Variants in LARP4B observed in about 807,000 individuals in gnomAD.
The protein encoded by LARP4B is La ribonucleoprotein 4B, also known as la-related protein 4B.
In LARP4B, 12 loss-of-function variants were observed where a neutral mutation model predicts 89.8. That is an observed-to-expected ratio of 0.13 (90% confidence interval 0.09 to 0.22). The LOEUF is 0.22. LARP4B is among the 10% of genes least tolerant of loss of function. The pLI is 1.00. For missense variants in LARP4B, 757 were observed against 947.7 expected (o/e 0.80, Z 2.64); for synonymous variants, 367 against 363.3 (o/e 1.01, Z -0.12).
intron 1 of LARP4B, among the ~76,000 whole-genome samples, chr10:911,760 C>T (rs148384082): frequency 1.6e-4 from 25 of 152,248 alleles, no homozygotes; most frequent in Non-Finnish European, 2.6e-4. Flanking sequence ...AAGCTCTGCT[C>T]CCTTTTGCAT....
chr10:869,988 G>A, intron 3 of LARP4B: 1 of 885,146 alleles, frequency 1.1e-6, no homozygotes. Flanking sequence ...CAGCACAATA[G>A]TAAACACACA....
At chr10:886,498 C>T (rs1034255958) in intron 1 of LARP4B, among the ~76,000 whole-genome samples, 1 of 152,164 alleles carries the variant, frequency 6.6e-6, no homozygotes, top group Non-Finnish European at 1.5e-5. Flanking sequence ...ATCTGCACTC[C>T]CATGTGGATT....
At chr10:976,013 T>C in the LARP4B span, among the ~76,000 whole-genome samples, 2 of 103,220 alleles carry the variant, frequency 1.9e-5, no homozygotes, top group Admixed American at 2.1e-4. Flanking sequence ...CCCAGCCTAG[T>C]AGAATGTAGG....
chr10:844,576 A>G (rs968142383), intron 6 of LARP4B, among the ~76,000 whole-genome samples: 2 of 152,182 alleles, frequency 1.3e-5, no homozygotes, highest in African/African-American at 4.8e-5. Flanking sequence ...TTTTACTAAG[A>G]AAAGGGTATT....
intron 15 of LARP4B, among the ~76,000 whole-genome samples, chr10:816,410 C>T (rs912387376): frequency 5.9e-5 from 9 of 152,206 alleles, no homozygotes; most frequent in African/African-American, 1.4e-4. Flanking sequence ...CCAAGGGCCA[C>T]GCTGTTGACT....
the LARP4B span, chr10:972,544 A>G: frequency 2.2e-6 from 1 of 457,240 alleles, no homozygotes; most frequent in Non-Finnish European, 4.4e-6. Flanking sequence ...CCACTCATGT[A>G]GAAGCCAGAG....
intron 12 of LARP4B, 40 bp downstream of exon 12, chr10:825,724 G>A (rs1321380456): frequency 2.9e-6 from 4 of 1,369,324 alleles, no homozygotes; most frequent in Non-Finnish European, 2.1e-6. Context: ...AAGGGCAGTA[G>A]CGTAAAGACC....
intron 5 of LARP4B, among the ~76,000 whole-genome samples, chr10:851,363 T>C (rs1279044010): frequency 6.6e-6 from 1 of 152,060 alleles, no homozygotes; most frequent in African/African-American, 2.4e-5. Context: ...TTTGTATTTT[T>C]AGTAGAGATG....
At chr10:975,205 T>C in the LARP4B span, among the ~76,000 whole-genome samples, 5 of 152,262 alleles carry the variant, frequency 3.3e-5, no homozygotes, top group African/African-American at 1.2e-4. Context: ...AGCACATCTA[T>C]TAATGAGAAA....
chr10:840,103 C>T (rs150324927), intron 7 of LARP4B, among the ~76,000 whole-genome samples: 1,739 of 151,490 alleles, frequency 0.011, 34 homozygotes, highest in Admixed American at 0.05. Flanking sequence ...TCAGTGGTTG[C>T]CTGGGGAGGG....
chr10:903,782 T>C (rs574115308), intron 1 of LARP4B, among the ~76,000 whole-genome samples: 7 of 152,288 alleles, frequency 4.6e-5, no homozygotes, highest in African/African-American at 9.6e-5. Flanking sequence ...CAGTTTTCAA[T>C]TGAAAATACA....
the LARP4B span, among the ~76,000 whole-genome samples, chr10:964,312 G>A: frequency 1.4e-4 from 22 of 152,312 alleles, no homozygotes; most frequent in Middle Eastern, 3.4e-3. Context: ...TGATCTGCCC[G>A]CCTCGGCCTC....
chr10:876,137 A>G (rs10904577), intron 3 of LARP4B, among the ~76,000 whole-genome samples: 24,546 of 152,168 alleles, frequency 0.16, 2,132 homozygotes, highest in Non-Finnish European at 0.19. Flanking sequence ...TGTAATCCCA[A>G]CACTTAGGGA....
Position 814,803 on chromosome 10 carries a change from C to A in LARP4B, c.1868G>T (p.Arg623Ile). The A allele has an allele frequency of 6.2e-7, 1 of 1,602,690 alleles. No homozygotes were observed. Among genetic ancestry groups the A allele is most frequent in the Non-Finnish European group, 8.5e-7 (1 of 1,171,508 alleles). The stretch of plus-strand genomic sequence containing the variant: ...GGTCGCAGTGAGGGCGGAAGGAAGT[C>A]TGTCCACACTGTGGGTTTCCCTCTG... ...EKQRETHSVD[R>I]LPSALTATAC... The change falls in exon 17 of 18, where the codon AGA becomes ATA. Residue 623 changes from arginine to isoleucine, a missense_variant. This residue lies in a region of LARP4B where 387 missense variants were observed against 423.6 expected (regional missense o/e 0.91). Coordinates refer to ENST00000316157, the MANE Select transcript of LARP4B (RefSeq NM_015155.3). This position sits in a 1 kb window ranked among gnomAD's most constrained non-coding sequence, Gnocchi z 4.4.
At chr10:877,525 G>C (rs1027633359) in intron 3 of LARP4B, among the ~76,000 whole-genome samples, 2 of 152,222 alleles carry the variant, frequency 1.3e-5, no homozygotes, top group Non-Finnish European at 1.5e-5. Flanking sequence ...TCTGAAGCCA[G>C]ATTGCCTGGG....
At chr10:987,519 G>T in the LARP4B span, 1 of 152,212 alleles carries the variant, frequency 6.6e-6, no homozygotes, top group Non-Finnish European at 1.5e-5. Flanking sequence ...CAACCACGGG[G>T]TGCTTTCGAG....
rs1358028212 is a variant in LARP4B at position 810,820 on chromosome 10, A to C, written c.*2106T>G. The C allele has an allele frequency of 1.8e-4, 26 of 145,956 alleles. No individual in the cohort carries two copies. The allele number at this position is 145,956 out of a possible 1,614,324, so 9.0% of individuals were successfully genotyped here. ...TTTTTTGGTCAGTGAACTGACAACTACAAAAAAAAATCCCCATGTTCTTTA... is the reference window on the plus strand; with the variant it reads ...TTTTTTGGTCAGTGAACTGACAACTCCAAAAAAAAATCCCCATGTTCTTTA... On this transcript the variant is annotated 3_prime_UTR_variant, in exon 18 of 18. Coordinates refer to ENST00000316157, the MANE Select transcript of LARP4B (RefSeq NM_015155.3).
At chr10:975,146 A>G in the LARP4B span, among the ~76,000 whole-genome samples, 1 of 152,248 alleles carries the variant, frequency 6.6e-6, no homozygotes, top group Non-Finnish European at 1.5e-5. Context: ...AGGGAAATAC[A>G]TACAAGTTAC....
At chr10:959,690 A>T in the LARP4B span, among the ~76,000 whole-genome samples, 2 of 31,920 alleles carry the variant, frequency 6.3e-5, no homozygotes, top group Non-Finnish European at 1.2e-4. Flanking sequence ...CTCCCCGTCA[A>T]TCCCACCTCC....
Sources: gnomAD v4.1 joint callset for allele counts (sites outside exome capture counted in the v4.1 genomes callset) on GRCh38, gnomAD v4.1.1 for gene constraint, gnomAD v4.1.1 regional missense constraint, Gnocchi (gnomAD v3.1) non-coding constraint, MANE v1.5 for transcripts, NCBI Gene and HGNC (gene_info 2026-07-23, HGNC 2026-07-21) for gene names.